CXorf38: variants seen among roughly 807,000 people sequenced by gnomAD.
CXorf38 encodes the protein chromosome X open reading frame 38.
In CXorf38, 13 loss-of-function variants were observed where a neutral mutation model predicts 27.5. The ratio of observed to expected loss-of-function variants is 0.47; its 90% CI spans 0.31 to 0.75. CXorf38 has a LOEUF of 0.75. Among genes scored for constraint, CXorf38 ranks in the 30% least tolerant of loss-of-function variants. CXorf38 has a pLI of 0.05. For missense variants in CXorf38, 240 were observed against 253.2 expected, an observed-to-expected ratio of 0.95 and a Z score of 0.35; for synonymous variants, 100 against 99.8, an observed-to-expected ratio of 1.00 and a Z score of -0.01.
At chrX:40,639,155 C>T (rs1338160126) in intron 2 of CXorf38, 27 bp from the exon 3 acceptor site, 1 of 1,193,812 alleles carries the variant, frequency 8.4e-7, no homozygotes, top group African/African-American at 1.8e-5. Context: ...AGGAGGGGGA[C>T]CTGAGTCTCT....
Position 40,647,191 on chromosome X carries a change from T to C in CXorf38, c.217-50A>G. The stretch of plus-strand genomic sequence containing the variant: ...GGCCCAGGAGGGAGGGACGTCGCGG[T>C]GGGCCCCGCATCGCGGAGGGAACAG... On this transcript the variant is annotated intron_variant, in intron 1 of 6. Transcript: ENST00000327877. 4 of 1,167,228 alleles carry C rather than the reference T, an allele frequency of 3.4e-6. No individual in the cohort carries two copies. In the South Asian group the frequency reaches 7.4e-5, roughly 22 times the overall value.
At chrX:40,646,870 C>T in intron 2 of CXorf38, 137 bp downstream of exon 2, 3 of 771,832 alleles carry the variant, frequency 3.9e-6, no homozygotes, top group South Asian at 5.8e-5. Flanking sequence ...CATACCACCC[C>T]TGAACCGCCT....
intron 5 of CXorf38, among the ~76,000 whole-genome samples, chrX:40,633,204 A>C (rs1927907720): frequency 9.1e-6 from 1 of 109,720 alleles, no homozygotes; most frequent in African/African-American, 3.3e-5. Context: ...TAGTACCCTC[A>C]CCACTTTAGC....
At chrX:40,640,757 T>C (rs902442429) in intron 2 of CXorf38, among the ~76,000 whole-genome samples, 3 of 110,162 alleles carry the variant, frequency 2.7e-5, no homozygotes, top group Non-Finnish European at 5.7e-5. Flanking sequence ...CTGGCCAACA[T>C]GGTGAAACCC....
intron 3 of CXorf38, among the ~76,000 whole-genome samples, chrX:40,638,255 C>A (rs1261364571): frequency 8.9e-6 from 1 of 111,896 alleles, no homozygotes; most frequent in Non-Finnish European, 1.9e-5. Context: ...TAAAAGATAT[C>A]AAAGGGGTCA....
chrX:40,635,447 G>GGTAACC (rs1928025872), intron 5 of CXorf38, among the ~76,000 whole-genome samples: 3 of 112,776 alleles, frequency 2.7e-5, no homozygotes, highest in African/African-American at 9.7e-5. Context: ...TGTTTAATGA[G>GGTAACC]GTAACCAGCA....
chrX:40,647,312 G>A lies in CXorf38; in HGVS notation c.209C>T (p.Ala70Val). ...CCCGAGCCAGGTGCTCACCTGGCGG[G>A]CGCGAGGGCTGCACCGTGAGCCGCC... Reference protein sequence around the residue: ...CRGGSRCSPRARQFQPQCQVC... With the variant: ...CRGGSRCSPRVRQFQPQCQVC... The change falls in exon 1 of 7, where the codon GCC (alanine) becomes GTC (valine). Residue 70 changes from alanine to valine, a missense_variant. Transcript: ENST00000327877. 9.2e-7 allele frequency: 1 copy of A among 1,089,177 alleles called. No homozygotes were observed. Among genetic ancestry groups the A allele is most frequent in the East Asian group, 3.5e-5 (1 of 28,481 alleles). The allele number at this position is 1,089,177 out of a possible 1,213,427, so 89.8% of individuals were successfully genotyped here. A position where few individuals can be genotyped will look rare whatever the true frequency, so the allele number is the denominator to read the frequency against.
At chrX:40,630,512 T>G in intron 6 of CXorf38, 102 bp downstream of exon 6, 1 of 812,066 alleles carries the variant, frequency 1.2e-6, no homozygotes, top group Non-Finnish European at 1.7e-6. Flanking sequence ...AAACTTCAGA[T>G]TAGATTGTTG....
chrX:40,646,978 C>A, intron 2 of CXorf38, 29 bp downstream of exon 2: 1 of 1,202,659 alleles, frequency 8.3e-7, no homozygotes, highest in South Asian at 1.8e-5. Context: ...CCGCCGCTTC[C>A]TCCTTCCGTC....
chrX:40,647,203 C>A, intron 1 of CXorf38, 62 bp from the exon 2 acceptor site: 1 of 1,187,207 alleles, frequency 8.4e-7, no homozygotes, highest in Non-Finnish European at 1.1e-6. Context: ...GGCCCCGCAT[C>A]GCGGAGGGAA....
chrX:40,632,704 A>G (rs751470859), intron 5 of CXorf38, among the ~76,000 whole-genome samples: 13 of 111,681 alleles, frequency 1.2e-4, no homozygotes, highest in Non-Finnish European at 1.9e-4. Context: ...GGAATGTAGA[A>G]AATTCAGACT....
chrX:40,639,507 A>C, intron 2 of CXorf38: 1 of 121,036 alleles, frequency 8.3e-6, no homozygotes, highest in Non-Finnish European at 1.7e-5. Flanking sequence ...CACTTTCTAA[A>C]TGACTTGAGG....
At chrX:40,639,171 C>T in intron 2 of CXorf38, 43 bp from the exon 3 acceptor site, 1 of 1,168,980 alleles carries the variant, frequency 8.6e-7, no homozygotes, top group Middle Eastern at 2.5e-4. Flanking sequence ...TCTCTTCCAA[C>T]TCTAGGAGAT....
Position 40,647,337 on chromosome X carries a change from C to T in CXorf38, c.184G>A (p.Gly62Ser), listed in dbSNP as rs773167024. The T allele has an allele frequency of 6.0e-5, 67 of 1,109,336 alleles. No individual in the cohort carries two copies. Among genetic ancestry groups the T allele is most frequent in the Non-Finnish European group, 7.7e-5 (66 of 852,944 alleles). The allele number at this position is 1,109,336 out of a possible 1,213,427, so 91.4% of individuals were successfully genotyped here. ...PGLGPRAVCR[G>S]GSRCSPRARQ... ...GCGCGAGGGCTGCACCGTGAGCCGC[C>T]GCGGCAGACGGCGCGGGGCCCCAGG... Residue 62 changes from glycine (G) to serine (S), a missense_variant, in exon 1 of 7, where the codon GGC (glycine) becomes AGC (serine). Transcript: ENST00000327877.
rs750439204 is a variant in CXorf38 at position 40,632,140 on chromosome X, C to T, written c.802-1367G>A. On this transcript the variant is annotated intron_variant, in intron 5 of 6. Transcript: ENST00000327877. ...GCTCTCAGTGACCGTGCCCGGTGCC[C>T]TAGACACACCTCAGGGTCTTCCTGA... is the stretch of plus-strand genomic sequence containing the variant. Among the ~76,000 whole-genome samples, 26 of 111,862 alleles carry T rather than the reference C, an allele frequency of 2.3e-4. No homozygotes were observed. The South Asian group carries it at 4.5e-3, about 19-fold the overall frequency.
chrX:40,632,830 C>T (rs111227119), intron 5 of CXorf38, among the ~76,000 whole-genome samples: 1 of 111,720 alleles, frequency 9.0e-6, no homozygotes, highest in African/African-American at 3.3e-5. Context: ...AACAACACCA[C>T]CTAGGATTCT....
At chrX:40,636,850 G>C in intron 4 of CXorf38, 138 bp from the exon 5 acceptor site, 1 of 782,391 alleles carries the variant, frequency 1.3e-6, no homozygotes, top group Non-Finnish European at 1.8e-6. Flanking sequence ...AAGCTTCTCA[G>C]CCCAGCATAA....
In CXorf38 at chrX:40,628,848, G is replaced by A. The variant is rs768622654; in HGVS notation, c.*1316C>T. 9.0e-6 allele frequency: 1 copy of A among 110,597 alleles called. No individual in the cohort carries two copies. The highest frequency in any genetic ancestry group is 3.9e-4 in the South Asian group (1 of 2,577). The allele number at this position is 110,597 out of a possible 1,213,427, so 9.1% of individuals were successfully genotyped here. On this transcript the variant is annotated 3_prime_UTR_variant, in exon 7 of 7. Coordinates refer to ENST00000327877, the MANE Select transcript of CXorf38 (RefSeq NM_144970.3). ...GTGTACCATAAACCAGCTGCCAAGC[G>A]AGAAGCTCCCCTGCTCCTGCCTGAC... is the stretch of plus-strand genomic sequence containing the variant.
intron 2 of CXorf38, among the ~76,000 whole-genome samples, chrX:40,643,281 T>G (rs930503060): frequency 2.7e-5 from 3 of 111,104 alleles, no homozygotes; most frequent in Non-Finnish European, 5.7e-5. Context: ...AAAAAACAGC[T>G]TTCTTGAGAT....
Sources: gnomAD v4.1 joint callset for allele counts (sites outside exome capture counted in the v4.1 genomes callset) on GRCh38, gnomAD v4.1.1 for gene constraint, MANE v1.5 for transcripts, NCBI Gene and HGNC (gene_info 2026-07-23, HGNC 2026-07-21) for gene names.